The following PARD3B variants were observed in gnomAD, a reference collection of about 807,000 sequenced individuals.
PARD3B encodes partitioning defective 3 homolog B.
PARD3B carries 103 observed loss-of-function variants against 130.2 expected under a neutral mutation model. That is an observed-to-expected ratio of 0.79 (90% confidence interval 0.67 to 0.93). The LOEUF (loss-of-function observed/expected upper bound fraction) is 0.93. Ranked by LOEUF, PARD3B falls within the 40% of genes least tolerant of loss-of-function variation. The probability of loss-of-function intolerance (pLI) is 0.00; values close to 1 mark genes in which losing one functional copy is unlikely to be tolerated. For synonymous variants in PARD3B, 583 were observed against 553.2 expected (o/e 1.05, Z -0.76); for missense variants, 1,609 against 1,499.2 (o/e 1.07, Z -1.21).
chr2:205,186,686 C>T (rs189454475), intron 14 of PARD3B, among the ~76,000 whole-genome samples: 1 of 152,232 alleles, frequency 6.6e-6, no homozygotes, highest in Non-Finnish European at 1.5e-5. Context: ...TAGGTGGAAG[C>T]TCACCTATAT....
chr2:204,795,024 C>T (rs1478945108), intron 2 of PARD3B, among the ~76,000 whole-genome samples: 2 of 152,084 alleles, frequency 1.3e-5, no homozygotes, highest in Non-Finnish European at 2.9e-5. Context: ...AACCTTAGAA[C>T]TCAGTATAGA....
chr2:205,537,030 A>G (rs2051892939), intron 21 of PARD3B, among the ~76,000 whole-genome samples: 1 of 152,114 alleles, frequency 6.6e-6, no homozygotes, highest in African/African-American at 2.4e-5. Context: ...TTCATCCTAA[A>G]TTTTCACTTT....
chr2:205,108,604 G>A (rs1008609855), intron 5 of PARD3B, among the ~76,000 whole-genome samples: 5 of 151,796 alleles, frequency 3.3e-5, no homozygotes, highest in African/African-American at 1.2e-4. Flanking sequence ...TCCTGTGCAT[G>A]CCCACTCCAT....
intron 1 of PARD3B, among the ~76,000 whole-genome samples, chr2:204,587,621 A>C (rs2032885737): frequency 6.6e-6 from 1 of 152,244 alleles, no homozygotes; most frequent in East Asian, 1.9e-4. Flanking sequence ...AATTAAGTTC[A>C]TTCAGCTCAA....
chr2:204,860,306 G>A (rs1559206157), intron 2 of PARD3B, among the ~76,000 whole-genome samples: 1 of 152,092 alleles, frequency 6.6e-6, no homozygotes, highest in Non-Finnish European at 1.5e-5. Context: ...TGTTTGTGAC[G>A]ATTACCAAGA....
In PARD3B at chr2:205,618,561, A is replaced by G. The variant is rs2055505032; in HGVS notation, c.*2748A>G. On this transcript the variant is annotated 3_prime_UTR_variant, in exon 23 of 23. Transcript: ENST00000406610. ...TAGCCCCCCTGGAAGAGAGTGGCAC[A>G]TTGAGCTCCAAACCCAATCAACATA... The G allele has an allele frequency of 6.6e-6, 1 of 152,236 alleles. No individual in the cohort carries two copies. Among genetic ancestry groups the G allele is most frequent in the Non-Finnish European group, 1.5e-5 (1 of 68,056 alleles). The allele number at this position is 152,236 out of a possible 1,614,324, so 9.4% of individuals were successfully genotyped here.
intron 16 of PARD3B, among the ~76,000 whole-genome samples, chr2:205,249,532 C>G (rs1484775302): frequency 1.3e-5 from 2 of 152,066 alleles, no homozygotes; most frequent in Non-Finnish European, 2.9e-5. Flanking sequence ...AGCTCAGATC[C>G]AATCAAAGGC....
chr2:204,999,627 T>G (rs1451996230), intron 3 of PARD3B, among the ~76,000 whole-genome samples: 1 of 152,252 alleles, frequency 6.6e-6, no homozygotes, highest in Non-Finnish European at 1.5e-5. Context: ...CTGATAATCA[T>G]TGTCCTTTTC....
intron 2 of PARD3B, among the ~76,000 whole-genome samples, chr2:204,960,718 A>G (rs951241282): frequency 6.6e-6 from 1 of 152,128 alleles, no homozygotes; most frequent in Admixed American, 6.5e-5. Context: ...CTTCGAGCCA[A>G]TGGGGATACA....
intron 3 of PARD3B, among the ~76,000 whole-genome samples, chr2:205,009,441 G>A (rs1477314883): frequency 6.6e-6 from 1 of 152,112 alleles, no homozygotes; most frequent in African/African-American, 2.4e-5. Flanking sequence ...GGAGGCAGAG[G>A]CGGGTGGATC....
intron 6 of PARD3B, among the ~76,000 whole-genome samples, chr2:205,114,523 A>G (rs1375625206): frequency 6.6e-6 from 1 of 152,150 alleles, no homozygotes; most frequent in Non-Finnish European, 1.5e-5. Context: ...GAGACAAGTC[A>G]ATTGATTTTC....
At chr2:205,532,883 A>G (rs1268010327) in intron 21 of PARD3B, among the ~76,000 whole-genome samples, 1 of 152,196 alleles carries the variant, frequency 6.6e-6, no homozygotes, top group Non-Finnish European at 1.5e-5. Context: ...ATGCAACTTA[A>G]TTAAAGCAAA....
chr2:204,894,775 GT>G (rs1032370240), intron 2 of PARD3B, among the ~76,000 whole-genome samples: 1 of 151,898 alleles, frequency 6.6e-6, no homozygotes, highest in African/African-American at 2.4e-5. Context: ...TCTTGGGTTT[GT>G]TTTTTCAAAG....
chr2:205,402,511 C>T (rs2046286384), intron 19 of PARD3B, among the ~76,000 whole-genome samples: 1 of 152,082 alleles, frequency 6.6e-6, no homozygotes, highest in Non-Finnish European at 1.5e-5. Flanking sequence ...TTTTGTAGCT[C>T]ATACTTACTT....
At chr2:205,294,592 C>T (rs1208720009) in intron 16 of PARD3B, among the ~76,000 whole-genome samples, 1 of 152,096 alleles carries the variant, frequency 6.6e-6, no homozygotes, top group Non-Finnish European at 1.5e-5. Flanking sequence ...ACATAATCTT[C>T]CGATATTTTC....
chr2:205,061,802 A>C (rs1208417977), intron 4 of PARD3B, among the ~76,000 whole-genome samples: 2 of 152,014 alleles, frequency 1.3e-5, no homozygotes, highest in African/African-American at 2.4e-5. Context: ...TTCAAAAAAA[A>C]AAAAAAAATT....
intron 20 of PARD3B, among the ~76,000 whole-genome samples, chr2:205,459,134 G>T (rs2048367164): frequency 6.6e-6 from 1 of 152,088 alleles, no homozygotes; most frequent in Admixed American, 6.6e-5. Context: ...CTTAGCATTT[G>T]ATTCTGTGCC....
chr2:205,057,977 C>T (rs1313830284), intron 4 of PARD3B, among the ~76,000 whole-genome samples: 2 of 151,588 alleles, frequency 1.3e-5, no homozygotes, highest in Non-Finnish European at 3.0e-5. Context: ...TAAGTACATT[C>T]ACATTGTTCT....
intron 2 of PARD3B, among the ~76,000 whole-genome samples, chr2:204,805,558 T>C (rs1207525177): frequency 1.3e-5 from 2 of 152,096 alleles, no homozygotes; most frequent in African/African-American, 2.4e-5. Flanking sequence ...CCAAACTCAT[T>C]ATTTGAGGCC....
Sources: allele counts gnomAD v4.1 joint callset (sites outside exome capture counted in the v4.1 genomes callset), GRCh38; gene constraint gnomAD v4.1.1; transcripts MANE v1.5; gene names NCBI Gene and HGNC (gene_info 2026-07-23, HGNC 2026-07-21).